The following MAF variants were observed in gnomAD, a reference collection of about 807,000 sequenced individuals.
MAF encodes the protein transcription factor Maf.
Under a neutral mutation model 22.0 loss-of-function variants are expected in MAF, and 10 were observed. The ratio of observed to expected loss-of-function variants is 0.45; its 90% CI spans 0.28 to 0.77. The LOEUF is 0.77. Ranked by LOEUF, MAF falls within the 30% of genes least tolerant of loss-of-function variation. The probability of loss-of-function intolerance (pLI) is 0.12; values close to 1 mark genes in which losing one functional copy is unlikely to be tolerated. For missense variants in MAF, 544 were observed against 548.4 expected (o/e 0.99, Z 0.08); for synonymous variants, 337 against 255.8 (o/e 1.32, Z -3.03).
chr16:79,345,704 G>A, the MAF span, among the ~76,000 whole-genome samples: 2 of 110,132 alleles, frequency 1.8e-5, no homozygotes, highest in African/African-American at 7.1e-5. Context: ...CTCCAGCCTG[G>A]CAACAGAGCA....
chr16:79,516,141 C>G, the MAF span: 7 of 152,170 alleles, frequency 4.6e-5, no homozygotes, highest in Non-Finnish European at 8.8e-5. Context: ...ACCTTCCCTG[C>G]CTGAGAAGCG....
chr16:79,483,726 G>C, the MAF span, among the ~76,000 whole-genome samples: 1 of 152,170 alleles, frequency 6.6e-6, no homozygotes, highest in Non-Finnish European at 1.5e-5. Flanking sequence ...CTGTATGGCA[G>C]GCATAGAGAG....
the MAF span, chr16:79,206,426 A>G: frequency 3.3e-5 from 5 of 152,186 alleles, no homozygotes; most frequent in African/African-American, 1.2e-4. Flanking sequence ...GTTGCTTTTG[A>G]TCTCTGATAT....
the MAF span, among the ~76,000 whole-genome samples, chr16:79,219,971 A>C: frequency 6.6e-6 from 1 of 152,222 alleles, no homozygotes; most frequent in East Asian, 1.9e-4. Context: ...TGTTCTGTTA[A>C]ACAAAATGTA....
At chr16:79,428,849 A>AAT in the MAF span, among the ~76,000 whole-genome samples, 9 of 146,596 alleles carry the variant, frequency 6.1e-5, no homozygotes, top group Non-Finnish European at 1.2e-4. Context: ...TGTCTCAGAA[A>AAT]AATAATAATA....
At chr16:79,546,158 C>T in the MAF span, among the ~76,000 whole-genome samples, 23 of 152,184 alleles carry the variant, frequency 1.5e-4, no homozygotes, top group African/African-American at 5.1e-4. Flanking sequence ...AACTTTAAAA[C>T]TTGATTTTAT....
chr16:79,583,656 C>T (rs890900758), downstream of MAF, among the ~76,000 whole-genome samples: 8 of 152,208 alleles, frequency 5.3e-5, no homozygotes, highest in South Asian at 8.3e-4. Context: ...ATGTTTTGAA[C>T]GCCAACTCTC....
the MAF span, among the ~76,000 whole-genome samples, chr16:79,463,834 G>T: frequency 2.6e-5 from 4 of 151,900 alleles, no homozygotes; most frequent in Non-Finnish European, 5.9e-5. Flanking sequence ...GTGAAACATG[G>T]CTTCTTTCTA....
At chr16:79,437,790 T>C in the MAF span, among the ~76,000 whole-genome samples, 1,776 of 152,334 alleles carry the variant, frequency 0.012, 17 homozygotes, top group South Asian at 0.021. Context: ...GGCTCAATCC[T>C]AGCACTTCCT....
At chr16:79,586,196 T>G (rs1284371081) in intron 1 of MAF, among the ~76,000 whole-genome samples, 1 of 152,208 alleles carries the variant, frequency 6.6e-6, no homozygotes, top group African/African-American at 2.4e-5. Context: ...ACTGAGAGGC[T>G]GAGATAGCCA....
chr16:79,273,044 T>G, the MAF span, among the ~76,000 whole-genome samples: 1 of 152,238 alleles, frequency 6.6e-6, no homozygotes, highest in East Asian at 1.9e-4. Flanking sequence ...GCCGAAGTTA[T>G]TGATAATACA....
chr16:79,391,970 T>C, the MAF span, among the ~76,000 whole-genome samples: 1 of 84,916 alleles, frequency 1.2e-5, no homozygotes, highest in South Asian at 3.7e-4. Context: ...AAAGGGAGAG[T>C]AGAGAAGGGA....
At chr16:79,254,304 G>C in the MAF span, among the ~76,000 whole-genome samples, 19 of 151,998 alleles carry the variant, frequency 1.3e-4, no homozygotes, top group African/African-American at 4.1e-4. Flanking sequence ...TGCTGATAGA[G>C]TTATTTAACA....
chr16:79,541,662 GT>G, the MAF span, among the ~76,000 whole-genome samples: 2,076 of 123,868 alleles, frequency 0.017, 21 homozygotes, highest in South Asian at 0.065. Context: ...GGTTTTTTTA[GT>G]TTTTTTTTTT....
chr16:79,311,191 A>G, the MAF span, among the ~76,000 whole-genome samples: 1 of 151,924 alleles, frequency 6.6e-6, no homozygotes, highest in East Asian at 1.9e-4. Context: ...AAGCTGCTTT[A>G]AGCGCAGGAG....
chr16:79,468,335 C>A, the MAF span, among the ~76,000 whole-genome samples: 1 of 152,192 alleles, frequency 6.6e-6, no homozygotes, highest in African/African-American at 2.4e-5. Flanking sequence ...GGGGATGCCC[C>A]TGCCTGTGTC....
At chr16:79,248,003 CA>C in the MAF span, among the ~76,000 whole-genome samples, 18,651 of 152,102 alleles carry the variant, frequency 0.12, 1,391 homozygotes, top group Middle Eastern at 0.19. Flanking sequence ...CAGTTTTGGA[CA>C]GAATTTTACT....
the MAF span, among the ~76,000 whole-genome samples, chr16:79,541,956 A>T: frequency 6.6e-6 from 1 of 152,070 alleles, no homozygotes; most frequent in Non-Finnish European, 1.5e-5. Context: ...AAGCCCGGTT[A>T]CTACTAGGGT....
the MAF span, among the ~76,000 whole-genome samples, chr16:79,507,649 T>A: frequency 4.0e-5 from 6 of 151,826 alleles, no homozygotes; most frequent in Admixed American, 1.3e-4. Flanking sequence ...ATGGTCTCGA[T>A]CTCCTGACCT....
Sources: gnomAD v4.1 joint callset for allele counts (sites outside exome capture counted in the v4.1 genomes callset) on GRCh38, gnomAD v4.1.1 for gene constraint, MANE v1.5 for transcripts, NCBI Gene and HGNC (gene_info 2026-07-23, HGNC 2026-07-21) for gene names.